Variants in LRRC17 observed in about 807,000 individuals in gnomAD.
LRRC17 encodes the protein leucine rich repeat containing 17.
In LRRC17, 33 loss-of-function variants were observed where a neutral mutation model predicts 41.5. The ratio of observed to expected loss-of-function variants is 0.80; its 90% CI spans 0.60 to 1.06. LRRC17 has a LOEUF of 1.06. Among genes scored for constraint, LRRC17 ranks in the 50% least tolerant of loss-of-function variants. The pLI is 0.00. For synonymous variants in LRRC17, 192 were observed against 197.0 expected, an observed-to-expected ratio of 0.97 and a Z score of 0.21; for missense variants, 491 against 519.3, an observed-to-expected ratio of 0.95 and a Z score of 0.53.
rs561044522 is a variant in LRRC17, at chr7:102,944,283, C to A, written c.1002C>A (p.Gly334=). 6.2e-7 allele frequency: 1 copy of A among 1,613,546 alleles called. No individual in the cohort carries two copies. The highest frequency in any genetic ancestry group is 8.5e-7 in the Non-Finnish European group (1 of 1,179,728). ...ACAGTCTGCAAAACTTTGACTATGG[C>A]GTATTAGAAGACTTGTATTTTTTGA... ...SNNSLQNFDY[G]VLEDLYFLKL... is the part of the protein sequence containing the mutation. The change falls in exon 4 of 4, where the codon GGC becomes GGA. Residue 334 remains glycine (G), a synonymous_variant. Coordinates refer to ENST00000339431, the MANE Select transcript of LRRC17 (RefSeq NM_001031692.3).
Position 102,913,103 on chromosome 7 carries a change from G to T in LRRC17, c.-183G>T. 1 of 1,614,202 alleles carries T rather than the reference G, an allele frequency of 6.2e-7. No individual in the cohort carries two copies. Among genetic ancestry groups the T allele is most frequent in the Non-Finnish European group, 8.5e-7 (1 of 1,180,028 alleles). ...AGACAAACCTGGGTGCAGCCAGAGAGGTCCAGATAGATGAGCTTGTGGCAT... is the reference window on the plus strand; with the variant it reads ...AGACAAACCTGGGTGCAGCCAGAGATGTCCAGATAGATGAGCTTGTGGCAT... On this transcript the variant is annotated 5_prime_UTR_variant, in exon 1 of 4. The change creates a new upstream start codon in the 5' untranslated region. Transcript: ENST00000339431.
intron 1 of LRRC17, among the ~76,000 whole-genome samples, chr7:102,918,541 C>T (rs919081926): frequency 1.3e-5 from 2 of 152,190 alleles, no homozygotes; most frequent in Non-Finnish European, 2.9e-5. Context: ...CTGGGTCACA[C>T]AGAGTGGATC....
intron 1 of LRRC17, 110 bp downstream of exon 1, chr7:102,913,255 C>T (rs79283665): frequency 8.7e-6 from 14 of 1,610,258 alleles, no homozygotes; most frequent in East Asian, 4.5e-5. Context: ...ATTATACTTC[C>T]GTTGTTCTCT....
At chr7:102,925,215 GA>G (rs1426882756) in intron 1 of LRRC17, among the ~76,000 whole-genome samples, 1 of 152,038 alleles carries the variant, frequency 6.6e-6, no homozygotes, top group Admixed American at 6.5e-5. Flanking sequence ...GCAACATGGT[GA>G]AACCCCATCT....
In LRRC17 at chr7:102,934,094, C is replaced by T; in HGVS notation, c.181C>T (p.His61Tyr). The T allele has an allele frequency of 1.9e-6, 3 of 1,614,164 alleles. No individual in the cohort carries two copies. ...GLPCDVYTYL[H>Y]EKYLDCQERK... The stretch of plus-strand genomic sequence containing the variant: ...CCCGTGTGACGTGTACACATATCTC[C>T]ATGAGAAATACTTAGATTGTCAAGA... Residue 61 changes from histidine (H) to tyrosine (Y), a missense_variant, in exon 2 of 4, where the codon CAT becomes TAT. By Grantham distance (83) the His-to-Tyr change is moderately conservative. Transcript: ENST00000339431.
chr7:102,922,896 T>C (rs889898865), intron 1 of LRRC17, among the ~76,000 whole-genome samples: 1 of 151,964 alleles, frequency 6.6e-6, no homozygotes, highest in Non-Finnish European at 1.5e-5. Context: ...GAGAATGGCA[T>C]GAACCCGGGA....
intron 2 of LRRC17, among the ~76,000 whole-genome samples, chr7:102,936,543 T>A: frequency 6.6e-6 from 1 of 152,226 alleles, no homozygotes; most frequent in South Asian, 2.1e-4. Context: ...GAGTCCTTAG[T>A]GCTTCATGCT....
At chr7:102,914,581 C>T (rs1056172822) in intron 1 of LRRC17, among the ~76,000 whole-genome samples, 2 of 152,234 alleles carry the variant, frequency 1.3e-5, no homozygotes, top group African/African-American at 4.8e-5. Flanking sequence ...ATAAGATATA[C>T]AAGCACTGAC....
rs752823104 is a variant in LRRC17, at chr7:102,934,194, G to A, written c.281G>A (p.Arg94His). Residue 94 changes from arginine (R) to histidine (H), a missense_variant, in exon 2 of 4, where the codon CGC becomes CAC. By Grantham distance (29) the Arg-to-His change is conservative. Coordinates refer to ENST00000339431, the MANE Select transcript of LRRC17 (RefSeq NM_001031692.3). ...ATGCTGCTAGCAAGAAACAAGATCC[G>A]CACATTGAAGAACAACATGTTTTCC... ...LHMLLARNKI[R>H]TLKNNMFSKF... is the part of the protein sequence containing the mutation. 1.9e-6 allele frequency: 3 copies of A among 1,614,182 alleles called. No homozygotes were observed. The South Asian group carries it at 3.3e-5, about 18-fold the overall frequency.
chr7:102,924,620 G>T (rs1308654769), intron 1 of LRRC17, among the ~76,000 whole-genome samples: 1 of 149,698 alleles, frequency 6.7e-6, no homozygotes, highest in Non-Finnish European at 1.5e-5. Flanking sequence ...TTATCACCGA[G>T]AATTTTCTGT....
chr7:102,944,370 C>T lies in LRRC17; in HGVS notation c.1089C>T (p.Tyr363=), dbSNP rs762463989. 1.2e-6 allele frequency: 2 copies of T among 1,614,080 alleles called. No homozygotes were observed. The highest frequency in any genetic ancestry group is 1.7e-6 in the Non-Finnish European group (2 of 1,179,966). Residue 363 remains tyrosine, a synonymous_variant, in exon 4 of 4, where the codon TAC becomes TAT. Transcript: ENST00000339431. ...RCDYNIHYLY[Y]WLKHHYNVHF... ...ACTACAACATTCACTACCTCTACTA[C>T]TGGTTAAAGCACCACTACAATGTCC...
Position 102,937,900 on chromosome 7 carries a change from C to T in LRRC17, c.773-1530C>T, listed in dbSNP as rs142537433. On this transcript the variant is annotated intron_variant, in intron 2 of 3. Coordinates refer to ENST00000339431, the MANE Select transcript of LRRC17 (RefSeq NM_001031692.3). ...ATAGAGAACTTGCATACAGATTCCC[C>T]AACTCGGAGTTGAGACTTGCCCAGC... Among the ~76,000 whole-genome samples, 932 of 152,318 alleles carry T rather than the reference C, an allele frequency of 6.1e-3. 11 individuals carry two copies. Among genetic ancestry groups the T allele is most frequent in the African/African-American group, 0.022 (895 of 41,568 alleles).
chr7:102,923,604 C>T (rs540725223), intron 1 of LRRC17, among the ~76,000 whole-genome samples: 29 of 150,506 alleles, frequency 1.9e-4, no homozygotes, highest in South Asian at 1.3e-3. Context: ...AGGCGGATCA[C>T]GAGGTCAGGA....
Position 102,934,259 on chromosome 7 carries a change from G to T in LRRC17, c.346G>T (p.Glu116Ter). 1.2e-6 allele frequency: 2 copies of T among 1,614,196 alleles called. No homozygotes were observed. ...KLKSLDLQQNEISKIESEAFF... is the reference protein window; with the variant it reads ...KLKSLDLQQN ...GAAAAGCCTGGATCTGCAGCAGAAT[G>T]AGATCTCTAAAATTGAGAGTGAGGC... is the stretch of plus-strand genomic sequence containing the variant. The change falls in exon 2 of 4, where the codon GAG becomes TAG. Residue 116 changes from glutamate to a stop codon, truncating the protein, a stop_gained. Coordinates refer to ENST00000339431, the MANE Select transcript of LRRC17 (RefSeq NM_001031692.3). LOFTEE classifies it high-confidence loss of function.
At chr7:102,941,210 A>T (rs1383670428) in intron 3 of LRRC17, among the ~76,000 whole-genome samples, 1 of 152,194 alleles carries the variant, frequency 6.6e-6, no homozygotes, top group Admixed American at 6.5e-5. Context: ...TTTTTCAATA[A>T]ATAAGGATAC....
chr7:102,941,217 A>C (rs1446319664), intron 3 of LRRC17, among the ~76,000 whole-genome samples: 1 of 152,194 alleles, frequency 6.6e-6, no homozygotes, highest in Non-Finnish European at 1.5e-5. Flanking sequence ...ATAAATAAGG[A>C]TACTACAGAC....
chr7:102,920,216 A>C (rs1319431263), intron 1 of LRRC17, among the ~76,000 whole-genome samples: 3 of 152,254 alleles, frequency 2.0e-5, no homozygotes, highest in African/African-American at 4.8e-5. Context: ...GCCACTAATT[A>C]GAATACACAA....
At position 102,926,476 on chromosome 7, in the gene LRRC17, C is replaced by T. The variant is rs142703025; in HGVS notation, c.-140-7298C>T. On this transcript the variant is annotated intron_variant, in intron 1 of 3. Coordinates refer to ENST00000339431, the MANE Select transcript of LRRC17 (RefSeq NM_001031692.3). ...CCTCTTCCTGTTCCAGAAAAAAATA[C>T]ATGTAAGAGTTGGTTTCTTCATATT... 9 of 832,666 alleles carry T rather than the reference C, an allele frequency of 1.1e-5. No homozygotes were observed. The East Asian group carries it at 1.4e-4, about 13-fold the overall frequency. 51.6% of individuals were successfully genotyped at this position (832,666 alleles called of 1,614,324 possible).
Position 102,914,320 on chromosome 7 carries a change from G to A in LRRC17, c.-141+1175G>A, listed in dbSNP as rs1490521047. On this transcript the variant is annotated intron_variant, in intron 1 of 3. Coordinates refer to ENST00000339431, the MANE Select transcript of LRRC17 (RefSeq NM_001031692.3). ...ACTCCTGACCTCAGGTGATCCACCC[G>A]CCTTGGCCTCCCAAAGTGCTCGGAA... Among the ~76,000 whole-genome samples the A allele has an allele frequency of 5.9e-5, 9 of 152,296 alleles. No individual in the cohort carries two copies. In the South Asian group the frequency reaches 6.2e-4, roughly 11 times the overall value.
Sources: gnomAD v4.1 joint callset for allele counts (sites outside exome capture counted in the v4.1 genomes callset) on GRCh38, gnomAD v4.1.1 for gene constraint, MANE v1.5 for transcripts, NCBI Gene and HGNC (gene_info 2026-07-23, HGNC 2026-07-21) for gene names.